Variants in ADGRB3 observed in about 807,000 individuals in gnomAD.
ADGRB3 encodes brain-specific angiogenesis inhibitor 3.
A neutral mutation model predicts 193.4 loss-of-function variants in ADGRB3; 37 were observed. The ratio of observed to expected loss-of-function variants is 0.19; its 90% CI spans 0.15 to 0.25. The LOEUF is 0.25. Among genes scored for constraint, ADGRB3 ranks in the 10% least tolerant of loss-of-function variants. The pLI is 1.00. For synonymous variants in ADGRB3, 690 were observed against 644.2 expected (o/e 1.07, Z -1.08); for missense variants, 1,637 against 1,852.9 (o/e 0.88, Z 2.14).
intron 3 of ADGRB3, among the ~76,000 whole-genome samples, chr6:68,692,872 A>T (rs1189665923): frequency 6.6e-6 from 1 of 151,442 alleles, no homozygotes; most frequent in African/African-American, 2.4e-5. Context: ...ATAGCTAGAT[A>T]GATGATAGAT....
chr6:68,782,700 G>T (rs560942179), intron 3 of ADGRB3, among the ~76,000 whole-genome samples: 54 of 152,206 alleles, frequency 3.5e-4, no homozygotes, highest in Non-Finnish European at 6.8e-4. Context: ...TTGTGGTTTT[G>T]ATTTGCATTT....
intron 3 of ADGRB3, among the ~76,000 whole-genome samples, chr6:68,650,358 CAATTTT>C (rs757015337): frequency 4.6e-5 from 7 of 151,692 alleles, no homozygotes; most frequent in Non-Finnish European, 1.0e-4. Flanking sequence ...AATTGCATCA[CAATTTT>C]TAAAAATTGC....
intron 3 of ADGRB3, among the ~76,000 whole-genome samples, chr6:68,745,687 AT>A (rs148523769): frequency 0.034 from 5,140 of 151,660 alleles, 157 homozygotes; most frequent in African/African-American, 0.078. Flanking sequence ...GTATTTTCTT[AT>A]TTATATTGTA....
At chr6:69,366,372 A>C (rs1383737028) in intron 29 of ADGRB3, among the ~76,000 whole-genome samples, 5 of 152,118 alleles carry the variant, frequency 3.3e-5, no homozygotes, top group Admixed American at 6.6e-5. Context: ...TTTGTAATAG[A>C]AATTTTAATG....
intron 30 of ADGRB3, among the ~76,000 whole-genome samples, chr6:69,380,106 A>G (rs981723651): frequency 5.9e-5 from 9 of 151,996 alleles, no homozygotes; most frequent in Non-Finnish European, 7.4e-5. Flanking sequence ...TTCAATCAGA[A>G]TATAATTATA....
chr6:68,684,585 T>G (rs887971237), intron 3 of ADGRB3, among the ~76,000 whole-genome samples: 1 of 152,122 alleles, frequency 6.6e-6, no homozygotes, highest in African/African-American at 2.4e-5. Context: ...CCTCTTTTAA[T>G]ATAACCTTTA....
chr6:69,209,725 G>A (rs1395030159), intron 17 of ADGRB3, among the ~76,000 whole-genome samples: 1 of 152,176 alleles, frequency 6.6e-6, no homozygotes, highest in African/African-American at 2.4e-5. Flanking sequence ...TGGAGAAATA[G>A]GCATTTGCCA....
At chr6:69,358,534 C>T (rs1769380151) in intron 28 of ADGRB3, among the ~76,000 whole-genome samples, 1 of 151,782 alleles carries the variant, frequency 6.6e-6, no homozygotes, top group Non-Finnish European at 1.5e-5. Context: ...GTTATTGGTG[C>T]CCTTTTCAGT....
rs774979131 is a variant in ADGRB3 at position 69,063,013 on chromosome 6, A to G, written c.2413A>G (p.Ile805Val). 6 of 1,611,860 alleles carry G rather than the reference A, an allele frequency of 3.7e-6. No homozygotes were observed. The highest frequency in any genetic ancestry group is 1.7e-6 in the Non-Finnish European group (2 of 1,178,568). ...CAAAACAACCGATTCGTTTCTGGAG[A>G]TAGAACTAGCTCATTTGGCTAATGT... ...EPKTTDSFLEIELAHLANGTL... is the reference protein window; with the variant it reads ...EPKTTDSFLEVELAHLANGTL... The change falls in exon 16 of 32, where the codon ATA becomes GTA. Residue 805 changes from isoleucine to valine, a missense_variant. Ile to Val is a conservative substitution (Grantham distance 29). Coordinates refer to ENST00000370598, the MANE Select transcript of ADGRB3 (RefSeq NM_001704.3).
At chr6:68,700,064 G>C (rs577417979) in intron 3 of ADGRB3, among the ~76,000 whole-genome samples, 8 of 152,130 alleles carry the variant, frequency 5.3e-5, no homozygotes, top group African/African-American at 1.9e-4. Flanking sequence ...GTCGAGAGGA[G>C]AAAAAGGGGT....
intron 20 of ADGRB3, among the ~76,000 whole-genome samples, chr6:69,313,184 T>G (rs905343506): frequency 2.6e-5 from 4 of 151,876 alleles, no homozygotes; most frequent in Admixed American, 6.6e-5. Context: ...ATTCTATGCT[T>G]GGGCTTCGCC....
intron 20 of ADGRB3, among the ~76,000 whole-genome samples, chr6:69,245,032 G>T (rs1000644821): frequency 6.6e-6 from 1 of 151,872 alleles, no homozygotes; most frequent in Non-Finnish European, 1.5e-5. Flanking sequence ...TTTTGCATTC[G>T]GAGGCAAAAT....
intron 3 of ADGRB3, among the ~76,000 whole-genome samples, chr6:68,916,027 CAGA>C (rs1301556886): frequency 6.6e-6 from 1 of 151,400 alleles, no homozygotes; most frequent in African/African-American, 2.4e-5. Context: ...GAAAAATATG[CAGA>C]AGAAGCAGCA....
intron 11 of ADGRB3, among the ~76,000 whole-genome samples, chr6:68,999,187 G>A (rs530573915): frequency 4.6e-5 from 7 of 151,768 alleles, no homozygotes; most frequent in African/African-American, 1.7e-4. Context: ...TTCCCTTCAA[G>A]CATATTCTTT....
intron 3 of ADGRB3, among the ~76,000 whole-genome samples, chr6:68,850,944 C>T (rs1204257120): frequency 1.3e-5 from 2 of 151,940 alleles, no homozygotes; most frequent in Non-Finnish European, 2.9e-5. Flanking sequence ...GTACTTGTTT[C>T]TCACATTTGA....
chr6:69,233,438 C>A, intron 18 of ADGRB3, 22 bp downstream of exon 18: 2 of 1,613,290 alleles, frequency 1.2e-6, no homozygotes, highest in Non-Finnish European at 8.5e-7. Flanking sequence ...AGGGAAAACA[C>A]GGCTTTAACG....
At chr6:69,105,588 A>G (rs777918790) in intron 17 of ADGRB3, among the ~76,000 whole-genome samples, 2 of 152,114 alleles carry the variant, frequency 1.3e-5, no homozygotes, top group Non-Finnish European at 2.9e-5. Context: ...CCAAACTCCC[A>G]GCCCCGTTTC....
chr6:69,296,544 A>G (rs1767821554), intron 20 of ADGRB3, among the ~76,000 whole-genome samples: 1 of 152,258 alleles, frequency 6.6e-6, no homozygotes, highest in South Asian at 2.1e-4. Context: ...AGCTCAAGTA[A>G]TGTTCCAACA....
intron 3 of ADGRB3, among the ~76,000 whole-genome samples, chr6:68,926,119 A>G (rs1317537531): frequency 6.6e-6 from 1 of 152,090 alleles, no homozygotes; most frequent in East Asian, 1.9e-4. Context: ...ACATCTAGAA[A>G]CTTGCACTTT....
Sources: allele counts gnomAD v4.1 joint callset (sites outside exome capture counted in the v4.1 genomes callset), GRCh38; gene constraint gnomAD v4.1.1; transcripts MANE v1.5; gene names NCBI Gene and HGNC (gene_info 2026-07-23, HGNC 2026-07-21).